ANKS1B: variants seen among roughly 807,000 people sequenced by gnomAD.
ANKS1B encodes the protein ankyrin repeat and sterile alpha motif domain-containing protein 1B.
In ANKS1B, 36 loss-of-function variants were observed where a neutral mutation model predicts 148.3. That is an observed-to-expected ratio of 0.24 (90% CI 0.19 to 0.32). The LOEUF is 0.32. Ranked by LOEUF, ANKS1B falls within the 10% of genes least tolerant of loss-of-function variation. ANKS1B has a pLI of 1.00. For missense variants in ANKS1B, 1,157 were observed against 1,542.6 expected, an observed-to-expected ratio of 0.75 and a Z score of 4.19; for synonymous variants, 542 against 560.8, an observed-to-expected ratio of 0.97 and a Z score of 0.47.
chr12:99,229,903 G>A (rs2086562458), intron 14 of ANKS1B, among the ~76,000 whole-genome samples: 1 of 151,840 alleles, frequency 6.6e-6, no homozygotes, highest in South Asian at 2.1e-4. Flanking sequence ...ATTCTATCAA[G>A]TAAGCATCAT....
chr12:99,385,217 GCA>G (rs1246763986), intron 12 of ANKS1B, among the ~76,000 whole-genome samples: 1 of 152,202 alleles, frequency 6.6e-6, no homozygotes, highest in East Asian at 1.9e-4. Context: ...GCCTGTAATC[GCA>G]CCACTTTGGG....
intron 15 of ANKS1B, chr12:99,097,502 C>A (rs2153664170): frequency 6.6e-6 from 1 of 151,958 alleles, no homozygotes; most frequent in African/African-American, 2.4e-5. Context: ...TTTATGTGTA[C>A]AAGGAGCATA....
intron 4 of ANKS1B, among the ~76,000 whole-genome samples, chr12:99,803,861 C>A (rs2153659192): frequency 6.6e-6 from 1 of 152,256 alleles, no homozygotes; most frequent in South Asian, 2.1e-4. Context: ...CCATATTTTC[C>A]TCACCCGTAG....
chr12:99,810,499 A>C (rs2068211228), intron 3 of ANKS1B, among the ~76,000 whole-genome samples: 1 of 152,014 alleles, frequency 6.6e-6, no homozygotes, highest in Admixed American at 6.6e-5. Flanking sequence ...TATGATCAGC[A>C]TCAAAAGAGT....
chr12:99,772,762 G>A (rs921135939), intron 8 of ANKS1B, 160 bp downstream of exon 8: 4 of 636,436 alleles, frequency 6.3e-6, no homozygotes, highest in African/African-American at 1.9e-5. Flanking sequence ...CACATGCACT[G>A]CGAGTAAAAC....
intron 17 of ANKS1B, among the ~76,000 whole-genome samples, chr12:98,916,494 A>C (rs1313941891): frequency 6.6e-6 from 1 of 152,250 alleles, no homozygotes; most frequent in Non-Finnish European, 1.5e-5. Flanking sequence ...ATGGAAATGC[A>C]CTGGACGAGA....
At chr12:99,789,943 T>G (rs1458788836) in intron 4 of ANKS1B, among the ~76,000 whole-genome samples, 1 of 152,074 alleles carries the variant, frequency 6.6e-6, no homozygotes, top group Non-Finnish European at 1.5e-5. Context: ...GGTAGAAGGT[T>G]TATTCAAAGT....
intron 16 of ANKS1B, among the ~76,000 whole-genome samples, chr12:99,080,141 G>T (rs950759300): frequency 1.3e-5 from 2 of 152,188 alleles, no homozygotes; most frequent in African/African-American, 4.8e-5. Context: ...TCCTTGCTTG[G>T]CCGCCTTGCA....
intron 12 of ANKS1B, among the ~76,000 whole-genome samples, chr12:99,329,445 T>C (rs1041114116): frequency 6.6e-6 from 1 of 151,942 alleles, no homozygotes; most frequent in African/African-American, 2.4e-5. Flanking sequence ...ATCCTTGAGA[T>C]ATATTCCTTG....
intron 1 of ANKS1B, among the ~76,000 whole-genome samples, chr12:99,949,088 G>A (rs1029066302): frequency 6.6e-6 from 1 of 152,154 alleles, no homozygotes; most frequent in African/African-American, 2.4e-5. Flanking sequence ...ATTTATACAT[G>A]AGAAAAAGCC....
chr12:99,352,586 C>T (rs1305014011), intron 12 of ANKS1B, among the ~76,000 whole-genome samples: 1 of 151,974 alleles, frequency 6.6e-6, no homozygotes, highest in African/African-American at 2.4e-5. Context: ...ATTTGCATAT[C>T]TCTTGTAATC....
At chr12:99,962,363 C>A (rs1040410076) in intron 1 of ANKS1B, among the ~76,000 whole-genome samples, 12 of 152,172 alleles carry the variant, frequency 7.9e-5, no homozygotes, top group African/African-American at 2.7e-4. Flanking sequence ...CCATGTCCTG[C>A]AAAGGACATG....
At chr12:99,579,720 G>A (rs2097552057) in intron 9 of ANKS1B, among the ~76,000 whole-genome samples, 1 of 152,130 alleles carries the variant, frequency 6.6e-6, no homozygotes, top group Admixed American at 6.5e-5. Flanking sequence ...CAAAGTTACA[G>A]AGAAAAGGGA....
chr12:98,769,716 C>T (rs1033641166), intron 25 of ANKS1B, among the ~76,000 whole-genome samples: 1 of 152,056 alleles, frequency 6.6e-6, no homozygotes, highest in African/African-American at 2.4e-5. Context: ...GTTTTAGTTT[C>T]ATGTGGAAAA....
At chr12:98,739,975 A>ACTT (rs1421367466), downstream of ANKS1B, among the ~76,000 whole-genome samples, 1 of 151,956 alleles carries the variant, frequency 6.6e-6, no homozygotes, top group African/African-American at 2.4e-5. Flanking sequence ...GACATTGCTT[A>ACTT]CTTAGCAGGA....
At chr12:99,153,275 C>T (rs2153821394) in intron 15 of ANKS1B, among the ~76,000 whole-genome samples, 1 of 152,202 alleles carries the variant, frequency 6.6e-6, no homozygotes, top group East Asian at 1.9e-4. Flanking sequence ...ATTGTGTTAT[C>T]ATTTCTGGTA....
At chr12:99,083,223 C>T (rs2050441256) in intron 16 of ANKS1B, among the ~76,000 whole-genome samples, 1 of 152,078 alleles carries the variant, frequency 6.6e-6, no homozygotes, top group African/African-American at 2.4e-5. Context: ...TTACTTTTCC[C>T]ACTTAGGGAG....
intron 8 of ANKS1B, among the ~76,000 whole-genome samples, chr12:99,766,219 C>T (rs982898171): frequency 3.3e-5 from 5 of 151,988 alleles, no homozygotes; most frequent in Admixed American, 6.6e-5. Flanking sequence ...TTCAAGGCAC[C>T]GTGTGAGGCA....
chr12:99,724,104 A>G lies in ANKS1B; in HGVS notation c.1128+48818T>C, dbSNP rs183260063. 7.9e-5 allele frequency among the ~76,000 whole-genome samples: 12 copies of G among 152,266 alleles called. No homozygotes were observed. The East Asian group carries it at 2.1e-3, about 27-fold the overall frequency. On this transcript the variant is annotated intron_variant, in intron 8 of 26. Coordinates refer to ENST00000683438, the MANE Select transcript of ANKS1B (RefSeq NM_001352186.2). ...AGGCCAGAGTGCCTCTTCTCCTCCAAATGATTGCAATGCCGCTCCAGCAAG... is the reference window on the plus strand; with the variant it reads ...AGGCCAGAGTGCCTCTTCTCCTCCAGATGATTGCAATGCCGCTCCAGCAAG...
Sources: allele counts gnomAD v4.1 joint callset (sites outside exome capture counted in the v4.1 genomes callset), GRCh38; gene constraint gnomAD v4.1.1; transcripts MANE v1.5; gene names NCBI Gene and HGNC (gene_info 2026-07-23, HGNC 2026-07-21).